The following SMG1 variants were observed in gnomAD, a reference collection of about 807,000 sequenced individuals.
SMG1 encodes serine/threonine-protein kinase SMG1.
Under a neutral mutation model 419.9 loss-of-function variants are expected in SMG1, and 22 were observed. The observed-to-expected ratio is 0.05, with a 90% CI of 0.04 to 0.07. The LOEUF (loss-of-function observed/expected upper bound fraction) is 0.07. Among genes scored for constraint, SMG1 ranks in the 10% least tolerant of loss-of-function variants. SMG1 has a pLI of 1.00. For missense variants in SMG1, 3,185 were observed against 4,342.0 expected (o/e 0.73, Z 7.49); for synonymous variants, 1,538 against 1,553.5 (o/e 0.99, Z 0.23).
In SMG1 at chr16:18,890,883, T is replaced by C. The variant is rs1304657275; in HGVS notation, c.588A>G (p.Val196=). ...VKQLDNILAA[V]HDVLNESSKL... ...CTTACCTTTCATTAAGCACGTCATGTACAGCAGCCAAGATATTATCCAATT... is the reference window on the plus strand; with the variant it reads ...CTTACCTTTCATTAAGCACGTCATGCACAGCAGCCAAGATATTATCCAATT... Residue 196 remains valine, a synonymous_variant, in exon 5 of 63, where the codon GTA becomes GTG. Coordinates refer to ENST00000446231, the MANE Select transcript of SMG1 (RefSeq NM_015092.5). 1.5e-5 allele frequency: 24 copies of C among 1,579,284 alleles called. No homozygotes were observed. Among genetic ancestry groups the C allele is most frequent in the Admixed American group, 3.3e-5 (2 of 59,944 alleles).
At chr16:18,891,619 A>C (rs1476059880) in intron 4 of SMG1, among the ~76,000 whole-genome samples, 1 of 151,984 alleles carries the variant, frequency 6.6e-6, no homozygotes, top group Non-Finnish European at 1.5e-5. Flanking sequence ...TTTTTAGTAG[A>C]GATGGGGCTT....
chr16:18,858,543 T>C (rs1458426531), intron 28 of SMG1: 1 of 268,696 alleles, frequency 3.7e-6, no homozygotes, highest in African/African-American at 2.2e-5. Flanking sequence ...ATCAGTATAC[T>C]TAATAAAGCA....
chr16:18,881,304 T>C (rs1041612289), intron 10 of SMG1, among the ~76,000 whole-genome samples: 19 of 152,164 alleles, frequency 1.2e-4, no homozygotes, highest in African/African-American at 4.1e-4. Flanking sequence ...ACCTTTTAGA[T>C]ATTAAAAATG....
intron 55 of SMG1, among the ~76,000 whole-genome samples, chr16:18,827,456 C>CTATATA (rs202137867): frequency 3.5e-5 from 5 of 141,062 alleles, no homozygotes; most frequent in African/African-American, 1.3e-4. Flanking sequence ...ATAAATATAC[C>CTATATA]TATATATATA....
chr16:18,842,528 ATAAAAG>A, intron 39 of SMG1, 74 bp from the exon 40 acceptor site: 1 of 1,477,950 alleles, frequency 6.8e-7, no homozygotes, highest in Middle Eastern at 2.0e-4. Context: ...TCAATATGGC[ATAAAAG>A]TAAATTTTAG....
chr16:18,839,682 A>C lies in SMG1; in HGVS notation c.6945+16T>G, dbSNP rs2033800104. On this transcript the variant is annotated intron_variant, in intron 42 of 62. Transcript: ENST00000446231. ...GAAATACTACTACTGAGTATAGTCTAAAACAAAGCACATACCTGCGTAACT... is the reference window on the plus strand; with the variant it reads ...GAAATACTACTACTGAGTATAGTCTCAAACAAAGCACATACCTGCGTAACT... 1.2e-6 allele frequency: 2 copies of C among 1,613,982 alleles called. No individual in the cohort carries two copies. Among genetic ancestry groups the C allele is most frequent in the African/African-American group, 1.3e-5 (1 of 75,062 alleles).
intron 6 of SMG1, among the ~76,000 whole-genome samples, chr16:18,886,732 G>A (rs2036627565): frequency 6.6e-6 from 1 of 152,118 alleles, no homozygotes; most frequent in African/African-American, 2.4e-5. Flanking sequence ...AACCTGGGAG[G>A]CGGAGGTTGC....
intron 10 of SMG1, among the ~76,000 whole-genome samples, 171 bp from the exon 11 acceptor site, chr16:18,879,890 A>T (rs1274100424): frequency 1.3e-5 from 2 of 152,274 alleles, no homozygotes; most frequent in Non-Finnish European, 2.9e-5. Flanking sequence ...TCTTTAGTAC[A>T]GTATGTAAAC....
intron 11 of SMG1, 155 bp from the exon 12 acceptor site, chr16:18,877,387 G>A (rs570675065): frequency 7.6e-4 from 382 of 503,592 alleles, no homozygotes; most frequent in Middle Eastern, 1.1e-3. Flanking sequence ...GCAAAACGAC[G>A]GAGACAGTAA....
intron 25 of SMG1, among the ~76,000 whole-genome samples, chr16:18,861,673 T>G (rs1178413914): frequency 3.3e-5 from 5 of 152,280 alleles, no homozygotes; most frequent in East Asian, 1.9e-4. Context: ...TGCCAACACA[T>G]TCATCATTTC....
At chr16:18,891,716 G>A (rs1449323975) in intron 4 of SMG1, among the ~76,000 whole-genome samples, 1 of 152,200 alleles carries the variant, frequency 6.6e-6, no homozygotes, top group Non-Finnish European at 1.5e-5. Context: ...TTACAGGCAT[G>A]AGCCACCACA....
chr16:18,909,298 C>T (rs1169045859), intron 1 of SMG1, among the ~76,000 whole-genome samples: 3 of 151,846 alleles, frequency 2.0e-5, no homozygotes, highest in Admixed American at 6.6e-5. Context: ...GCTGAGACGG[C>T]GTCATTGCAC....
At chr16:18,846,282 G>A (rs1434965551) in intron 38 of SMG1, among the ~76,000 whole-genome samples, 1 of 152,100 alleles carries the variant, frequency 6.6e-6, no homozygotes, top group African/African-American at 2.4e-5. Flanking sequence ...AAAACTCTTA[G>A]AAGAAAACAT....
At chr16:18,910,751 C>G (rs1250678905) in intron 1 of SMG1, among the ~76,000 whole-genome samples, 2 of 152,116 alleles carry the variant, frequency 1.3e-5, no homozygotes, top group African/African-American at 4.8e-5. Flanking sequence ...TTCTCCACCC[C>G]CTCAAGTACT....
At position 18,849,311 on chromosome 16, in the gene SMG1, G is replaced by C. The variant is rs2034460658; in HGVS notation, c.5529C>G (p.Asn1843Lys). 6.2e-7 allele frequency: 1 copy of C among 1,613,702 alleles called. No homozygotes were observed. The highest frequency in any genetic ancestry group is 8.5e-7 in the Non-Finnish European group (1 of 1,179,814). ...PEVYVRQSIC[N>K]LLCRVAQDSP... Reference sequence around the variant, plus strand: ...AATCTTGAGCCACACGGCAGAGAAGGTTACAAATACTTTGGCGCACATACA... The same window carrying C: ...AATCTTGAGCCACACGGCAGAGAAGCTTACAAATACTTTGGCGCACATACA... Residue 1843 changes from asparagine (N) to lysine (K), a missense_variant, in exon 36 of 63, where the codon AAC becomes AAG. Asn to Lys is a moderately conservative substitution (Grantham distance 94). Around this residue, in one of 27 missense-constraint regions of SMG1, gnomAD observed 11 missense variants for 35.5 expected, o/e 0.31. Transcript: ENST00000446231.
In SMG1 at chr16:18,818,886, G is replaced by A. The variant is rs976056828; in HGVS notation, c.9894+616C>T. Among the ~76,000 whole-genome samples the A allele has an allele frequency of 2.1e-5, 3 of 140,386 alleles. No homozygotes were observed. The East Asian group carries it at 6.3e-4, about 29-fold the overall frequency. The allele number at this position is 140,386 out of a possible 152,430, so 92.1% of individuals were successfully genotyped here. A position where few individuals can be genotyped will look rare whatever the true frequency, so the allele number is the denominator to read the frequency against. On this transcript the variant is annotated intron_variant, in intron 56 of 62. Coordinates refer to ENST00000446231, the MANE Select transcript of SMG1 (RefSeq NM_015092.5). ...GGCTGGAATTCAGTGGCACGATCTT[G>A]GATCACTGGAACCTCTGGCTCCCAG...
At position 18,809,658 on chromosome 16, in the gene SMG1, G is replaced by T. The variant is rs745813844; in HGVS notation, c.10909-12C>A. On this transcript the variant is annotated splice_polypyrimidine_tract_variant and intron_variant, in intron 62 of 62. Coordinates refer to ENST00000446231, the MANE Select transcript of SMG1 (RefSeq NM_015092.5). Reference sequence around the variant, plus strand: ...ATGACATAGTCAACCTGTAAAAATAGGCAGGATAGTATGTAAAGTCATTTA... The same window carrying T: ...ATGACATAGTCAACCTGTAAAAATATGCAGGATAGTATGTAAAGTCATTTA... The T allele has an allele frequency of 1.1e-5, 17 of 1,580,458 alleles. No homozygotes were observed. The highest frequency in any genetic ancestry group is 1.5e-5 in the Non-Finnish European group (17 of 1,157,752).
intron 57 of SMG1, among the ~76,000 whole-genome samples, chr16:18,816,961 CCT>C (rs1187226695): frequency 6.6e-6 from 1 of 152,054 alleles, no homozygotes; most frequent in Non-Finnish European, 1.5e-5. Flanking sequence ...TTCCATAAGC[CCT>C]CTTTCTCCTG....
intron 39 of SMG1, among the ~76,000 whole-genome samples, chr16:18,844,641 T>C (rs983113680): frequency 4.7e-5 from 7 of 149,204 alleles, no homozygotes; most frequent in African/African-American, 1.7e-4. Flanking sequence ...GTTAGTTTTC[T>C]TTCTTGTACT....
Sources: gnomAD v4.1 joint callset for allele counts (sites outside exome capture counted in the v4.1 genomes callset) on GRCh38, gnomAD v4.1.1 for gene constraint, gnomAD v4.1.1 regional missense constraint, MANE v1.5 for transcripts, NCBI Gene and HGNC (gene_info 2026-07-23, HGNC 2026-07-21) for gene names.